The following NFYC variants were observed in gnomAD, a reference collection of about 807,000 sequenced individuals.
The protein encoded by NFYC is nuclear transcription factor Y subunit gamma.
Under a neutral mutation model 53.1 loss-of-function variants are expected in NFYC, and 25 were observed. The ratio of observed to expected loss-of-function variants is 0.47; its 90% CI spans 0.34 to 0.66. The LOEUF (loss-of-function observed/expected upper bound fraction) is 0.66, where lower values mean the gene tolerates loss of function less well. Among genes scored for constraint, NFYC ranks in the 30% least tolerant of loss-of-function variants. The pLI is 0.01. For synonymous variants in NFYC, 145 were observed against 152.6 expected, an observed-to-expected ratio of 0.95 and a Z score of 0.37; for missense variants, 260 against 422.7, an observed-to-expected ratio of 0.62 and a Z score of 3.38.
chr1:40,715,365 AGAGT>A (rs1644094885), intron 1 of NFYC, among the ~76,000 whole-genome samples: 1 of 152,016 alleles, frequency 6.6e-6, no homozygotes, highest in Non-Finnish European at 1.5e-5. Context: ...CCTGGGCAAC[AGAGT>A]GAGATTCCGT....
At chr1:40,695,972 C>T (rs1388242079) in intron 1 of NFYC, among the ~76,000 whole-genome samples, 2 of 151,376 alleles carry the variant, frequency 1.3e-5, no homozygotes, top group African/African-American at 4.9e-5. Flanking sequence ...TGCTTAAGTT[C>T]TCACAGCCAG....
intron 8 of NFYC, chr1:40,766,906 C>T (rs1256315772): frequency 6.4e-7 from 1 of 1,552,104 alleles, no homozygotes; most frequent in Admixed American, 2.0e-5. Flanking sequence ...CTCTTACCAT[C>T]TTGTTCTCAA....
chr1:40,735,751 G>T (rs181042452), intron 1 of NFYC: 4 of 985,002 alleles, frequency 4.1e-6, no homozygotes, highest in Non-Finnish European at 4.8e-6. Flanking sequence ...GCAATAAAAG[G>T]TTAGATTCTT....
chr1:40,741,333 G>A lies in NFYC; in HGVS notation c.105+2385G>A, dbSNP rs150390076. Among the ~76,000 whole-genome samples, 4 of 152,230 alleles carry A rather than the reference G, an allele frequency of 2.6e-5. No individual in the cohort carries two copies. The South Asian group carries it at 8.3e-4, about 32-fold the overall frequency. ...AACACTTTACTATAAAATAGGGTTTGTGTTATATTATTTTGCCCAACTTTA... is the reference window on the plus strand; with the variant it reads ...AACACTTTACTATAAAATAGGGTTTATGTTATATTATTTTGCCCAACTTTA... On this transcript the variant is annotated intron_variant, in intron 2 of 9. Transcript: ENST00000447388.
intron 3 of NFYC, 56 bp downstream of exon 3, chr1:40,747,661 A>G: frequency 8.7e-7 from 1 of 1,145,608 alleles, no homozygotes; most frequent in Non-Finnish European, 1.3e-6. Context: ...TGGGTAGGTT[A>G]TTGCTCATTT....
chr1:40,730,203 T>C lies in NFYC; in HGVS notation c.-8-8633T>C, dbSNP rs1243187023. Among the ~76,000 whole-genome samples the C allele has an allele frequency of 7.2e-5, 10 of 139,694 alleles. No individual in the cohort carries two copies. In the South Asian group the frequency reaches 9.5e-4, roughly 13 times the overall value. 91.6% of individuals were successfully genotyped at this position (139,694 alleles called of 152,430 possible). A position where few individuals can be genotyped will look rare whatever the true frequency, so the allele number is the denominator to read the frequency against. On this transcript the variant is annotated intron_variant, in intron 1 of 9. Transcript: ENST00000447388. ...TAATTTTTCTTTCTTTTCTTTTTTTTTTTTTTTTTTTTTTGGTAGAGATAG... is the reference window on the plus strand; with the variant it reads ...TAATTTTTCTTTCTTTTCTTTTTTTCTTTTTTTTTTTTTTGGTAGAGATAG...
intron 1 of NFYC, among the ~76,000 whole-genome samples, chr1:40,703,317 C>A: frequency 6.7e-6 from 1 of 149,004 alleles, no homozygotes; most frequent in African/African-American, 2.5e-5. Flanking sequence ...TGGGGAGACC[C>A]TGTCTCTACA....
chr1:40,717,616 C>G (rs1449630886), intron 1 of NFYC, among the ~76,000 whole-genome samples: 1 of 152,184 alleles, frequency 6.6e-6, no homozygotes, highest in Non-Finnish European at 1.5e-5. Context: ...AAGTAAAAGA[C>G]TAGAAATACT....
chr1:40,767,092 C>A, intron 8 of NFYC: 2 of 1,034,128 alleles, frequency 1.9e-6, no homozygotes, highest in Non-Finnish European at 2.9e-6. Flanking sequence ...CTTTGGAAAG[C>A]TTACTTAGAT....
At chr1:40,748,134 C>G (rs959238328) in intron 3 of NFYC, among the ~76,000 whole-genome samples, 1 of 151,666 alleles carries the variant, frequency 6.6e-6, no homozygotes, top group Non-Finnish European at 1.5e-5. Flanking sequence ...CCGCATCTGG[C>G]CTTTTCTTTC....
chr1:40,741,590 T>C (rs1305896153), intron 2 of NFYC, among the ~76,000 whole-genome samples: 1 of 152,018 alleles, frequency 6.6e-6, no homozygotes, highest in South Asian at 2.1e-4. Context: ...TTTCCTTTTT[T>C]ATCTTTTTTC....
At chr1:40,761,118 G>T (rs1360800049) in intron 6 of NFYC, among the ~76,000 whole-genome samples, 1 of 152,208 alleles carries the variant, frequency 6.6e-6, no homozygotes, top group East Asian at 1.9e-4. Flanking sequence ...TTCCTGAAAT[G>T]ATTTAGAAAT....
intron 1 of NFYC, among the ~76,000 whole-genome samples, chr1:40,725,435 A>G (rs942705923): frequency 6.6e-6 from 1 of 152,222 alleles, no homozygotes; most frequent in Non-Finnish European, 1.5e-5. Flanking sequence ...TTTAATTTCC[A>G]GACCAGTGCT....
At chr1:40,741,804 A>G (rs984502187) in intron 2 of NFYC, among the ~76,000 whole-genome samples, 7 of 151,984 alleles carry the variant, frequency 4.6e-5, no homozygotes, top group African/African-American at 1.7e-4. Context: ...GGGTCCCACC[A>G]TGTTACCCTG....
chr1:40,745,868 A>AT lies in NFYC; in HGVS notation c.106-1658dup, dbSNP rs534619622. Among the ~76,000 whole-genome samples the AT allele has an allele frequency of 1.6e-4, 25 of 151,950 alleles. No individual in the cohort carries two copies. In the East Asian group the frequency reaches 4.8e-3, roughly 29 times the overall value. ...TCTTCAAAGGTAGGAGTAGATGTGTATTTTTTTTCTTTCTTTTTTAAATAG... is the reference window on the plus strand; with the variant it reads ...TCTTCAAAGGTAGGAGTAGATGTGTATTTTTTTTTCTTTCTTTTTTAAATAG... On this transcript the variant is annotated intron_variant, in intron 2 of 9. Transcript: ENST00000447388.
chr1:40,697,053 C>T (rs1287931301), intron 1 of NFYC, among the ~76,000 whole-genome samples: 4 of 152,206 alleles, frequency 2.6e-5, no homozygotes, highest in Non-Finnish European at 4.4e-5. Context: ...GGGAAGAGTT[C>T]TGTCTCTGCA....
rs574583278 is a variant in NFYC at position 40,711,485 on chromosome 1, T to C, written c.-9+19618T>C. On this transcript the variant is annotated intron_variant, in intron 1 of 9. Coordinates refer to ENST00000447388, the MANE Select transcript of NFYC (RefSeq NM_014223.5). Reference sequence around the variant, plus strand: ...AGGGGAGGCAAAAGTGAAGGTGTGGTACAGTATGAAGTAAACTATAAACTT... The same window carrying C: ...AGGGGAGGCAAAAGTGAAGGTGTGGCACAGTATGAAGTAAACTATAAACTT... Among the ~76,000 whole-genome samples the C allele has an allele frequency of 1.3e-4, 20 of 152,270 alleles. No homozygotes were observed. In the East Asian group the frequency reaches 3.7e-3, roughly 28 times the overall value.
intron 2 of NFYC, among the ~76,000 whole-genome samples, chr1:40,746,811 A>G (rs543927906): frequency 2.0e-5 from 3 of 152,198 alleles, no homozygotes; most frequent in Non-Finnish European, 4.4e-5. Context: ...TTCCTAAACT[A>G]TATCCACAGT....
chr1:40,727,882 T>G (rs1644592515), intron 1 of NFYC, among the ~76,000 whole-genome samples: 1 of 151,850 alleles, frequency 6.6e-6, no homozygotes, highest in African/African-American at 2.4e-5. Context: ...GTCTAGAAGG[T>G]TTTCAGTTTA....
Sources: allele counts gnomAD v4.1 joint callset (sites outside exome capture counted in the v4.1 genomes callset), GRCh38; gene constraint gnomAD v4.1.1; transcripts MANE v1.5; gene names NCBI Gene and HGNC (gene_info 2026-07-23, HGNC 2026-07-21).